The following STIL variants were observed in gnomAD, a reference collection of about 807,000 sequenced individuals.
STIL encodes SCL-interrupting locus protein.
A neutral mutation model predicts 110.1 loss-of-function variants in STIL; 55 were observed. That is an observed-to-expected ratio of 0.50 (90% CI 0.40 to 0.63). STIL has a LOEUF of 0.63. STIL is among the 20% of genes least tolerant of loss of function. STIL has a pLI of 0.00. For synonymous variants in STIL, 481 were observed against 530.0 expected, an observed-to-expected ratio of 0.91 and a Z score of 1.27; for missense variants, 1,358 against 1,530.0, an observed-to-expected ratio of 0.89 and a Z score of 1.87.
chr1:47,283,060 C>A (rs1645194708), intron 10 of STIL: 1 of 152,768 alleles, frequency 6.5e-6, no homozygotes, highest in African/African-American at 2.4e-5. Context: ...ATTTGGAATA[C>A]TATATGCATC....
At chr1:47,309,826 C>T (rs1646069943) in intron 2 of STIL, among the ~76,000 whole-genome samples, 1 of 152,136 alleles carries the variant, frequency 6.6e-6, no homozygotes, top group African/African-American at 2.4e-5. Context: ...TTATTCCCAT[C>T]AAGGAATCAG....
At chr1:47,292,428 T>C (rs924360848) in intron 8 of STIL, among the ~76,000 whole-genome samples, 66 of 152,286 alleles carry the variant, frequency 4.3e-4, no homozygotes, top group Admixed American at 4.1e-3. Flanking sequence ...CCTACAAATA[T>C]ACTAGCATAT....
rs74227932 is a variant in STIL at position 47,257,975 on chromosome 1, T to C, written c.3080+2314A>G. The stretch of plus-strand genomic sequence containing the variant: ...GTAGCTGGTAATAATACTTACTCTT[T>C]CAGAAAGCAACTTAGCAACAGCTTT... On this transcript the variant is annotated intron_variant, in intron 16 of 16. Coordinates refer to ENST00000371877, the MANE Select transcript of STIL (RefSeq NM_001048166.1). 5.2e-3 allele frequency among the ~76,000 whole-genome samples: 796 copies of C among 152,384 alleles called. 2 individuals carry two copies. The highest frequency in any genetic ancestry group is 0.03 in the East Asian group (158 of 5,196).
intron 14 of STIL, among the ~76,000 whole-genome samples, chr1:47,263,662 C>G (rs1277524667): frequency 1.3e-5 from 2 of 150,710 alleles, no homozygotes; most frequent in Non-Finnish European, 2.9e-5. Context: ...GGAAAACAAG[C>G]TGTTGATTTC....
In STIL at chr1:47,272,091, T is replaced by C. The variant is rs1238715093; in HGVS notation, c.2368A>G (p.Ile790Val). The C allele has an allele frequency of 2.5e-6, 4 of 1,614,034 alleles. No individual in the cohort carries two copies. Among genetic ancestry groups the C allele is most frequent in the East Asian group, 2.2e-5 (1 of 44,900 alleles). Residue 790 changes from isoleucine (I) to valine (V), a missense_variant, in exon 13 of 17, where the codon ATT becomes GTT. Ile to Val is a conservative substitution (Grantham distance 29). Coordinates refer to ENST00000371877, the MANE Select transcript of STIL (RefSeq NM_001048166.1). Reference protein sequence around the residue: ...PGLHMRKGVSIAVSTGASLFW... With the variant: ...PGLHMRKGVSVAVSTGASLFW... The stretch of plus-strand genomic sequence containing the variant: ...CTGAAATTACCTGTGCTCACAGCAA[T>C]GCTTACACCTTTTCTCATGTGCAAG...
At chr1:47,314,786 C>T (rs530675239), upstream of STIL, among the ~76,000 whole-genome samples, 3 of 151,832 alleles carry the variant, frequency 2.0e-5, no homozygotes, top group East Asian at 5.8e-4. Context: ...AGTGCGATGA[C>T]GCGATATCGG....
At chr1:47,255,502 T>C (rs1295167068) in intron 16 of STIL, among the ~76,000 whole-genome samples, 1 of 150,282 alleles carries the variant, frequency 6.7e-6, no homozygotes, top group Non-Finnish European at 1.5e-5. Context: ...TGAGCCATGA[T>C]TGTGCCACTG....
At chr1:47,265,260 A>AAAAAAAAAC (rs1553170532) in intron 14 of STIL, among the ~76,000 whole-genome samples, 14 of 148,406 alleles carry the variant, frequency 9.4e-5, no homozygotes, top group African/African-American at 1.7e-4. Flanking sequence ...AAAAAAAAAA[A>AAAAAAAAAC]CACAAGATTG....
Position 47,280,388 on chromosome 1 carries a change from T to G in STIL, c.2070A>C (p.Ser690=), listed in dbSNP as rs367887740. 9.9e-6 allele frequency: 16 copies of G among 1,614,076 alleles called. 1 individual carries two copies. The South Asian group carries it at 1.6e-4, about 17-fold the overall frequency. The change falls in exon 12 of 17, where the codon TCA becomes TCC. Residue 690 remains serine (S), a synonymous_variant. Coordinates refer to ENST00000371877, the MANE Select transcript of STIL (RefSeq NM_001048166.1). Reference sequence around the variant, plus strand: ...GCTGTGGGTTACATAAGTCCATATGTGAAGGCGGTCTTGCCACAGGCGATG... The same window carrying G: ...GCTGTGGGTTACATAAGTCCATATGGGAAGGCGGTCTTGCCACAGGCGATG... ...IEPSPVARPP[S]HMDLCNPQPC...
In STIL at chr1:47,280,371, T is replaced by A. The variant is rs886046390; in HGVS notation, c.2087A>T (p.Asn696Ile). The change falls in exon 12 of 17, where the codon AAC becomes ATC. Residue 696 changes from asparagine (N) to isoleucine (I), a missense_variant. Physicochemically the swap from Asn to Ile is moderately radical, Grantham distance 149. Transcript: ENST00000371877. ...CATGCACACTGTGCAAGGCTGTGGG[T>A]TACATAAGTCCATATGTGAAGGCGG... ...ARPPSHMDLCNPQPCTVCMHT... is the reference protein window; with the variant it reads ...ARPPSHMDLCIPQPCTVCMHT... The A allele has an allele frequency of 6.2e-7, 1 of 1,614,118 alleles. No individual in the cohort carries two copies. The highest frequency in any genetic ancestry group is 1.7e-5 in the Admixed American group (1 of 60,008).
intron 12 of STIL, among the ~76,000 whole-genome samples, chr1:47,274,094 T>TTA (rs982176280): frequency 6.4e-5 from 3 of 46,964 alleles, no homozygotes; most frequent in African/African-American, 2.2e-4. Context: ...AGTAAGCACT[T>TTA]TACACACACA....
intron 8 of STIL, among the ~76,000 whole-genome samples, chr1:47,291,322 T>C (rs762927795): frequency 3.4e-4 from 52 of 151,332 alleles, no homozygotes; most frequent in Admixed American, 7.9e-4. Flanking sequence ...GATTGAGCCA[T>C]TGCACTCCAG....
intron 13 of STIL, 107 bp downstream of exon 13, chr1:47,271,968 GT>G: frequency 8.3e-7 from 1 of 1,209,944 alleles, no homozygotes; most frequent in Non-Finnish European, 1.2e-6. Context: ...CATCACCTTG[GT>G]TTTGGTCCTA....
intron 12 of STIL, among the ~76,000 whole-genome samples, chr1:47,276,002 CT>C (rs11481235): frequency 1.9e-4 from 28 of 146,968 alleles, no homozygotes; most frequent in African/African-American, 6.5e-4. Flanking sequence ...ATGACTCATA[CT>C]TTTTTTTTTT....
intron 9 of STIL, among the ~76,000 whole-genome samples, chr1:47,288,926 A>T (rs961465233): frequency 2.0e-5 from 3 of 149,146 alleles, no homozygotes; most frequent in Non-Finnish European, 3.0e-5. Context: ...GCCAGGTGTG[A>T]TGGTGGGCTC....
At chr1:47,267,299 A>C (rs1557716907) in intron 14 of STIL, among the ~76,000 whole-genome samples, 1 of 152,156 alleles carries the variant, frequency 6.6e-6, no homozygotes, top group Non-Finnish European at 1.5e-5. Context: ...AAATTCCATA[A>C]AGTTAGGAGC....
At chr1:47,255,111 T>C (rs1569997055) in intron 16 of STIL, among the ~76,000 whole-genome samples, 1 of 151,038 alleles carries the variant, frequency 6.6e-6, no homozygotes, top group Non-Finnish European at 1.5e-5. Context: ...CTAGGCAAAA[T>C]AGAGACCACA....
Position 47,289,486 on chromosome 1 carries a change from A to G in STIL, c.972T>C (p.Pro324=), listed in dbSNP as rs1189867527. ...TGGTTAGCAACTGAAACCGAAAGTC[A>G]GGTATCTTGCCATCACAAGGGAAGC... ...YECFPCDGKI[P]DFRFQLLTSK... Residue 324 remains proline (P), a synonymous_variant, in exon 9 of 17, where the codon CCT becomes CCC. Coordinates refer to ENST00000371877, the MANE Select transcript of STIL (RefSeq NM_001048166.1). 2 of 1,613,986 alleles carry G rather than the reference A, an allele frequency of 1.2e-6. No individual in the cohort carries two copies. Among genetic ancestry groups the G allele is most frequent in the Admixed American group, 1.7e-5 (1 of 60,024 alleles).
At chr1:47,309,491 AAGGAATACG>A (rs1646061474) in intron 2 of STIL, among the ~76,000 whole-genome samples, 1 of 152,152 alleles carries the variant, frequency 6.6e-6, no homozygotes, top group Non-Finnish European at 1.5e-5. Flanking sequence ...ATTAAAGCAA[AAGGAATACG>A]ATAGCCTCCT....
Sources: allele counts gnomAD v4.1 joint callset (sites outside exome capture counted in the v4.1 genomes callset), GRCh38; gene constraint gnomAD v4.1.1; transcripts MANE v1.5; gene names NCBI Gene and HGNC (gene_info 2026-07-23, HGNC 2026-07-21).